TLE3: variants seen among roughly 807,000 people sequenced by gnomAD.
TLE3 encodes the protein TLE family member 3, transcriptional corepressor, also known as transducin-like enhancer protein 3.
Under a neutral mutation model 93.0 loss-of-function variants are expected in TLE3, and 14 were observed. The ratio of observed to expected loss-of-function variants is 0.15; its 90% CI spans 0.10 to 0.24. TLE3 has a LOEUF of 0.24. Ranked by LOEUF, TLE3 falls within the 10% of genes least tolerant of loss-of-function variation. TLE3 has a pLI of 1.00. For synonymous variants in TLE3, 451 were observed against 425.0 expected (o/e 1.06, Z -0.75); for missense variants, 693 against 1,046.6 (o/e 0.66, Z 4.66).
chr15:70,052,294 C>T, intron 18 of TLE3, 80 bp downstream of exon 18: 4 of 1,549,714 alleles, frequency 2.6e-6, no homozygotes, highest in Non-Finnish European at 2.6e-6. Flanking sequence ...AAGCTTTGGG[C>T]CCCTCTTCTG....
intron 4 of TLE3, among the ~76,000 whole-genome samples, chr15:70,092,454 C>T (rs78537528): frequency 0.016 from 2,473 of 152,274 alleles, 39 homozygotes; most frequent in South Asian, 0.057. Flanking sequence ...AGGTAAAGTG[C>T]CCAGTGGGGA....
intron 4 of TLE3, 46 bp downstream of exon 4, chr15:70,094,484 TAA>T (rs745882950): frequency 2.1e-4 from 297 of 1,404,388 alleles, no homozygotes; most frequent in Admixed American, 3.6e-4. Flanking sequence ...TCCACATATA[TAA>T]GTTTTTAAAA....
intron 2 of TLE3, chr15:70,095,863 G>A (rs925272942): frequency 1.6e-5 from 10 of 640,550 alleles, no homozygotes; most frequent in East Asian, 2.8e-5. Context: ...GACTTATCAC[G>A]GCAGCAGGGG....
Position 70,097,153 on chromosome 15 carries a change from C to G in TLE3, c.-355G>C. 2.4e-6 allele frequency: 1 copy of G among 418,912 alleles called. No individual in the cohort carries two copies. The highest frequency in any genetic ancestry group is 4.1e-6 in the Non-Finnish European group (1 of 241,254). The allele number at this position is 418,912 out of a possible 1,614,324, so 25.9% of individuals were successfully genotyped here. A position where few individuals can be genotyped will look rare whatever the true frequency, so the allele number is the denominator to read the frequency against. Reference sequence around the variant, plus strand: ...GACATCGTCGGCTCCCCAGCAGGTCCGGCGCGGGGTCCCGAGGCCGGGGGC... The same window carrying G: ...GACATCGTCGGCTCCCCAGCAGGTCGGGCGCGGGGTCCCGAGGCCGGGGGC... On this transcript the variant is annotated 5_prime_UTR_variant, in exon 1 of 20. Coordinates refer to ENST00000451782, the MANE Select transcript of TLE3 (RefSeq NM_001105192.3).
intron 4 of TLE3, among the ~76,000 whole-genome samples, chr15:70,090,993 T>C (rs1225326672): frequency 2.0e-5 from 3 of 152,222 alleles, no homozygotes; most frequent in Non-Finnish European, 4.4e-5. Context: ...TCTTCATTTC[T>C]TGAGTCTTAC....
At chr15:70,074,732 G>T (rs1324594816) in intron 5 of TLE3, 125 bp from the exon 6 acceptor site, 2 of 639,652 alleles carry the variant, frequency 3.1e-6, no homozygotes, top group African/African-American at 1.9e-5. Flanking sequence ...CACTGAACAG[G>T]CACAGGGCAC....
At chr15:70,074,703 A>T in intron 5 of TLE3, 96 bp from the exon 6 acceptor site, 7 of 975,862 alleles carry the variant, frequency 7.2e-6, no homozygotes, top group South Asian at 1.6e-5. Context: ...GGAGAGGCCC[A>T]GAGCAGACAG....
chr15:70,084,728 G>A (rs191135062), intron 4 of TLE3, among the ~76,000 whole-genome samples: 7 of 152,158 alleles, frequency 4.6e-5, no homozygotes, highest in South Asian at 2.1e-4. Flanking sequence ...TGGCGCCCAC[G>A]GTGCCTACAC....
rs974373103 is a variant in TLE3, at chr15:70,048,551, A to C, written c.*1546T>G. ...TAATCCATAAAAATGCAGTATAAAA[A>C]TTATCTTCGATATGCTACATCCATG... On this transcript the variant is annotated 3_prime_UTR_variant, in exon 20 of 20. Coordinates refer to ENST00000451782, the MANE Select transcript of TLE3 (RefSeq NM_001105192.3). The C allele has an allele frequency of 9.9e-5, 15 of 152,084 alleles. No homozygotes were observed. Among genetic ancestry groups the C allele is most frequent in the African/African-American group, 3.6e-4 (15 of 41,408 alleles). The allele number at this position is 152,084 out of a possible 1,614,324, so 9.4% of individuals were successfully genotyped here. A position where few individuals can be genotyped will look rare whatever the true frequency, so the allele number is the denominator to read the frequency against.
intron 19 of TLE3, chr15:70,050,947 CTCTT>C (rs1306152893): frequency 6.2e-6 from 1 of 162,580 alleles, no homozygotes; most frequent in Non-Finnish European, 1.3e-5. Flanking sequence ...CTTTCCTCCT[CTCTT>C]TCCTGTCCAT....
chr15:70,067,393 G>A (rs1167931642), intron 6 of TLE3, among the ~76,000 whole-genome samples: 1 of 152,218 alleles, frequency 6.6e-6, no homozygotes, highest in Non-Finnish European at 1.5e-5. Context: ...TGGCAAGGGA[G>A]GGGTTGTGGC....
chr15:70,095,807 T>C, intron 2 of TLE3, 166 bp from the exon 3 acceptor site: 2 of 795,146 alleles, frequency 2.5e-6, no homozygotes, highest in Non-Finnish European at 3.9e-6. Context: ...GTCCCCGCCG[T>C]GGGGAGGGGG....
At chr15:70,060,865 A>C in intron 8 of TLE3, 1 of 650,250 alleles carries the variant, frequency 1.5e-6, no homozygotes, top group Non-Finnish European at 2.7e-6. Context: ...CCCTGGGCGC[A>C]TCCCCAATTC....
At chr15:70,077,207 CTT>C (rs1320975459) in intron 4 of TLE3, among the ~76,000 whole-genome samples, 9 of 152,206 alleles carry the variant, frequency 5.9e-5, no homozygotes, top group Non-Finnish European at 1.0e-4. Context: ...CCTATGTAAA[CTT>C]TAGATCTCAG....
rs890985958 is a variant in TLE3 at position 70,096,837 on chromosome 15, C to G, written c.-39G>C. On this transcript the variant is annotated 5_prime_UTR_variant, in exon 1 of 20. Coordinates refer to ENST00000451782, the MANE Select transcript of TLE3 (RefSeq NM_001105192.3). ...CGTGATTCCGAGAGCGTGGAAGCGC[C>G]GAGAGCCCGGGCCGGGGAGGTGCGG... The G allele has an allele frequency of 2.5e-6, 4 of 1,600,522 alleles. No individual in the cohort carries two copies. The highest frequency in any genetic ancestry group is 1.7e-5 in the Admixed American group (1 of 58,854).
chr15:70,055,426 C>T (rs529163599), intron 14 of TLE3, 128 bp from the exon 15 acceptor site: 3 of 1,352,732 alleles, frequency 2.2e-6, no homozygotes, highest in South Asian at 2.9e-5. Flanking sequence ...TGCTCTGAAA[C>T]CATTCGAACC....
chr15:70,065,901 G>A, intron 7 of TLE3, 113 bp downstream of exon 7: 1 of 1,187,846 alleles, frequency 8.4e-7, no homozygotes, highest in South Asian at 1.4e-5. Context: ...CCAAATCCTT[G>A]GTAACTCCTG....
chr15:70,091,388 T>C (rs1452373014), intron 4 of TLE3, among the ~76,000 whole-genome samples: 3 of 152,228 alleles, frequency 2.0e-5, no homozygotes, highest in Non-Finnish European at 2.9e-5. Context: ...GGTTTTAAGC[T>C]GGCTTTGTTA....
rs1198238560 is a variant in TLE3 at position 70,048,465 on chromosome 15, T to A, written c.*1632A>T. The A allele has an allele frequency of 6.6e-6, 1 of 151,996 alleles. No homozygotes were observed. Among genetic ancestry groups the A allele is most frequent in the East Asian group, 1.9e-4 (1 of 5,170 alleles). The allele number at this position is 151,996 out of a possible 1,614,324, so 9.4% of individuals were successfully genotyped here. A position where few individuals can be genotyped will look rare whatever the true frequency, so the allele number is the denominator to read the frequency against. On this transcript the variant is annotated 3_prime_UTR_variant, in exon 20 of 20. Transcript: ENST00000451782. ...AGCTGGGGAGCAACCTCACTGAAGG[T>A]GGGTGGCTTTCCCTGGAGCCCCTCC... is the stretch of plus-strand genomic sequence containing the variant.
Sources: gnomAD v4.1 joint callset for allele counts (sites outside exome capture counted in the v4.1 genomes callset) on GRCh38, gnomAD v4.1.1 for gene constraint, MANE v1.5 for transcripts, NCBI Gene and HGNC (gene_info 2026-07-23, HGNC 2026-07-21) for gene names.